Variants in RASGRP4 observed in about 807,000 individuals in gnomAD.
The protein encoded by RASGRP4 is RAS guanyl-releasing protein 4.
Under a neutral mutation model 84.4 loss-of-function variants are expected in RASGRP4, and 52 were observed. That is an observed-to-expected ratio of 0.62 (90% CI 0.49 to 0.78). RASGRP4 has a LOEUF of 0.78. Ranked by LOEUF, RASGRP4 falls within the 30% of genes least tolerant of loss-of-function variation. The probability of loss-of-function intolerance (pLI) is 0.00; values close to 1 mark genes in which losing one functional copy is unlikely to be tolerated. For synonymous variants in RASGRP4, 356 were observed against 359.1 expected (o/e 0.99, Z 0.10); for missense variants, 760 against 886.9 (o/e 0.86, Z 1.82).
intron 8 of RASGRP4, among the ~76,000 whole-genome samples, chr19:38,416,211 C>T (rs1971492925): frequency 6.6e-6 from 1 of 151,560 alleles, no homozygotes; most frequent in Admixed American, 6.6e-5. Flanking sequence ...CACCTGTAAT[C>T]CCAGCACTTT....
In RASGRP4 at chr19:38,422,021, A is replaced by G. The variant is rs757665341; in HGVS notation, c.156T>C (p.Ser52=). The G allele has an allele frequency of 6.2e-7, 1 of 1,613,396 alleles. No individual in the cohort carries two copies. ...VMASMNLGLL[S]EGGCSEDELL... ...GCTCATCTTCGCTGCAGCCGCCCTC[A>G]CTCAGCAGGCCCAGGTTCATGGAAG... Residue 52 remains serine, a synonymous_variant, in exon 2 of 17, where the codon AGT becomes AGC. Transcript: ENST00000615439.
At position 38,415,073 on chromosome 19, in the gene RASGRP4, G is replaced by T. The variant is rs780745488; in HGVS notation, c.1005C>A (p.Arg335=). The T allele has an allele frequency of 2.5e-6, 4 of 1,602,846 alleles. No homozygotes were observed. In the South Asian group the frequency reaches 4.5e-5, roughly 18 times the overall value. ...CGCAGCCAGCCCAGGTGCGGCGGTA[G>T]CGGGCGTAGTTGTTGTGGGAGGCAA... is the stretch of plus-strand genomic sequence containing the variant. The part of the protein sequence containing the change: ...ELLASHNNYA[R]YRRTWAGCAG... The change falls in exon 9 of 17, where the codon CGC becomes CGA. Residue 335 remains arginine (R), a synonymous_variant. Transcript: ENST00000615439.
rs56791891 is a variant in RASGRP4 at position 38,412,083 on chromosome 19, TTTGTTGTTGTTGTTGTTGTTG to T, written c.1680+568_1680+588del. 9.9e-3 allele frequency among the ~76,000 whole-genome samples: 1,278 copies of T among 128,786 alleles called. 21 individuals are homozygous for T. Among genetic ancestry groups the T allele is most frequent in the African/African-American group, 0.041 (1,191 of 28,928 alleles). The allele number at this position is 128,786 out of a possible 152,430, so 84.5% of individuals were successfully genotyped here. A position where few individuals can be genotyped will look rare whatever the true frequency, so the allele number is the denominator to read the frequency against. On this transcript the variant is annotated intron_variant, in intron 13 of 16. Coordinates refer to ENST00000615439, the MANE Select transcript of RASGRP4 (RefSeq NM_170604.3). The surrounding 1 kb of genome is among the most constrained non-coding windows in gnomAD (Gnocchi z 4.6). Reference sequence around the variant, plus strand: ...CTACCCGGTTTGGAGATTATCCAGGTTTGTTGTTGTTGTTGTTGTTGTTGTTGTTGTTGTTGTTGTTGTTGT... The same window carrying T: ...CTACCCGGTTTGGAGATTATCCAGGTTTGTTGTTGTTGTTGTTGTTGTTGT...
Position 38,412,636 on chromosome 19 carries a change from T to C in RASGRP4, c.1680+36A>G. On this transcript the variant is annotated intron_variant, in intron 13 of 16. Transcript: ENST00000615439. The surrounding 1 kb of genome is among the most constrained non-coding windows in gnomAD (Gnocchi z 4.6). ...TGCGGACTGCCGGCTTCAGGACAGA[T>C]GGAACCTAAGGGTGGTGATGGGGTG... 2 of 1,600,300 alleles carry C rather than the reference T, an allele frequency of 1.2e-6. No homozygotes were observed. The highest frequency in any genetic ancestry group is 1.7e-6 in the Non-Finnish European group (2 of 1,173,242).
chr19:38,424,249 AG>A (rs1027305320), intron 1 of RASGRP4, among the ~76,000 whole-genome samples: 1 of 151,894 alleles, frequency 6.6e-6, no homozygotes, highest in Non-Finnish European at 1.5e-5. Context: ...CCTCCCAAGT[AG>A]TTGGGACTAC....
intron 16 of RASGRP4, among the ~76,000 whole-genome samples, chr19:38,410,632 C>T (rs1358913057): frequency 6.6e-6 from 1 of 152,026 alleles, no homozygotes; most frequent in Non-Finnish European, 1.5e-5. Flanking sequence ...AGGCTGATCT[C>T]GAACTTCTGA....
chr19:38,418,400 G>A lies in RASGRP4; in HGVS notation c.828C>T (p.His276=). The part of the protein sequence containing the change: ...QRAQVLDKFI[H]VAQRLHQLQN... ...AAGGGGCGGGCCTCACCTGTGCCAC[G>A]TGAATGAACTTGTCCAGCACCTGTG... is the stretch of plus-strand genomic sequence containing the variant. The change falls in exon 7 of 17, where the codon CAC becomes CAT. Residue 276 remains histidine, a synonymous_variant. Coordinates refer to ENST00000615439, the MANE Select transcript of RASGRP4 (RefSeq NM_170604.3). This position sits in a 1 kb window ranked among gnomAD's most constrained non-coding sequence, Gnocchi z 4.6. The A allele has an allele frequency of 4.4e-6, 7 of 1,605,780 alleles. No homozygotes were observed. The highest frequency in any genetic ancestry group is 5.9e-6 in the Non-Finnish European group (7 of 1,176,670).
intron 1 of RASGRP4, among the ~76,000 whole-genome samples, chr19:38,424,612 T>C (rs1971907542): frequency 8.5e-6 from 1 of 118,250 alleles, no homozygotes; most frequent in Non-Finnish European, 1.8e-5. Context: ...TGGGTGTGTG[T>C]CAATGGGGGG....
At position 38,409,488 on chromosome 19, in the gene RASGRP4, C is replaced by T. The variant is rs1971129081; in HGVS notation, c.*552G>A. ...GGCGTGGTGGCTCACGCCTGTATTC[C>T]CAGCACTTTGGGAGGCTGAGGCTGG... On this transcript the variant is annotated 3_prime_UTR_variant, in exon 17 of 17. Transcript: ENST00000615439. The T allele has an allele frequency of 6.6e-6, 1 of 152,454 alleles. No individual in the cohort carries two copies. Among genetic ancestry groups the T allele is most frequent in the Admixed American group, 6.5e-5 (1 of 15,268 alleles). 9.4% of individuals were successfully genotyped at this position (152,454 alleles called of 1,614,324 possible).
chr19:38,425,974 G>T, intron 1 of RASGRP4, 95 bp downstream of exon 1: 1 of 1,114,682 alleles, frequency 9.0e-7, no homozygotes, highest in Non-Finnish European at 1.2e-6. Flanking sequence ...AAAGAAGTCA[G>T]GAATCCTGCC....
At position 38,412,401 on chromosome 19, in the gene RASGRP4, C is replaced by G. The variant is rs62118962; in HGVS notation, c.1680+271G>C. ...CCTCCCCAAGTGCTGGGATTACAGG[C>G]GTGAGCCACCACTCCTGGCCTCCTA... On this transcript the variant is annotated intron_variant, in intron 13 of 16. Transcript: ENST00000615439. This position sits in a 1 kb window ranked among gnomAD's most constrained non-coding sequence, Gnocchi z 4.6. 9.3e-6 allele frequency: 4 copies of G among 429,088 alleles called. No homozygotes were observed. In the East Asian group the frequency reaches 1.4e-4, roughly 15 times the overall value. The allele number at this position is 429,088 out of a possible 1,614,324, so 26.6% of individuals were successfully genotyped here.
At chr19:38,411,655 C>G (rs1079161) in intron 13 of RASGRP4, 9 of 420,898 alleles carry the variant, frequency 2.1e-5, no homozygotes, top group South Asian at 4.1e-5. Context: ...GATCGTACCA[C>G]GGCACTCCAG....
chr19:38,424,626 G>C (rs920332882), intron 1 of RASGRP4, among the ~76,000 whole-genome samples: 2 of 136,780 alleles, frequency 1.5e-5, no homozygotes, highest in Non-Finnish European at 3.2e-5. Flanking sequence ...TGGGGGGGGG[G>C]GTCTCACTAT....
rs1453421210 is a variant in RASGRP4, at chr19:38,417,478, G to A, written c.838-310C>T. On this transcript the variant is annotated intron_variant, in intron 7 of 16. Coordinates refer to ENST00000615439, the MANE Select transcript of RASGRP4 (RefSeq NM_170604.3). This position sits in a 1 kb window ranked among gnomAD's most constrained non-coding sequence, Gnocchi z 5.1. ...TGGGGAATAGACAGGTGTGTGTCAG[G>A]TGGAGGAGGCTTCAGACATGTCAGG... Among the ~76,000 whole-genome samples the A allele has an allele frequency of 6.6e-6, 1 of 152,188 alleles. No individual in the cohort carries two copies. Among genetic ancestry groups the A allele is most frequent in the Non-Finnish European group, 1.5e-5 (1 of 68,034 alleles).
chr19:38,422,133 G>A lies in RASGRP4; in HGVS notation c.44C>T (p.Thr15Ile), dbSNP rs1043968214. ...CCGGCCTCGCCCTCCTATTTTTCCG[G>A]TGCATTCCTGGTGGGACTTCCTGTG... ...DSKRKSHQEC[T>I]GKIGGRGRPR... is the part of the protein sequence containing the mutation. The change falls in exon 2 of 17, where the codon ACC (threonine) becomes ATC (isoleucine). Residue 15 changes from threonine to isoleucine, a missense_variant. By Grantham distance (89) the Thr-to-Ile change is moderately conservative. Transcript: ENST00000615439. 3.1e-6 allele frequency: 5 copies of A among 1,610,998 alleles called. No homozygotes were observed. Among genetic ancestry groups the A allele is most frequent in the Non-Finnish European group, 4.2e-6 (5 of 1,179,028 alleles).
rs1394486535 is a variant in RASGRP4, at chr19:38,417,276, T to C, written c.838-108A>G. ...GGGGTCCCAGGCATGTGTGGACCAA[T>C]GTGGGGATCAGACAGGTGAGAGAAG... On this transcript the variant is annotated intron_variant, in intron 7 of 16. Coordinates refer to ENST00000615439, the MANE Select transcript of RASGRP4 (RefSeq NM_170604.3). This position sits in a 1 kb window ranked among gnomAD's most constrained non-coding sequence, Gnocchi z 5.1. The C allele has an allele frequency of 1.4e-6, 1 of 721,554 alleles. No individual in the cohort carries two copies. Among genetic ancestry groups the C allele is most frequent in the Non-Finnish European group, 2.5e-6 (1 of 404,126 alleles). 44.7% of individuals were successfully genotyped at this position (721,554 alleles called of 1,614,324 possible). A position where few individuals can be genotyped will look rare whatever the true frequency, so the allele number is the denominator to read the frequency against.
chr19:38,409,183 T>G lies in RASGRP4; in HGVS notation c.*857A>C. ...TCCCTGGGACTGAATGGGCCCCTGCTGCTCGACCCTCAAAGTTCTTTGCCC... is the reference window on the plus strand; with the variant it reads ...TCCCTGGGACTGAATGGGCCCCTGCGGCTCGACCCTCAAAGTTCTTTGCCC... On this transcript the variant is annotated 3_prime_UTR_variant, in exon 17 of 17. Transcript: ENST00000615439. 3.8e-6 allele frequency: 1 copy of G among 265,130 alleles called. No homozygotes were observed. Among genetic ancestry groups the G allele is most frequent in the Non-Finnish European group, 7.1e-6 (1 of 140,210 alleles). 16.4% of individuals were successfully genotyped at this position (265,130 alleles called of 1,614,324 possible). A position where few individuals can be genotyped will look rare whatever the true frequency, so the allele number is the denominator to read the frequency against.
At position 38,413,190 on chromosome 19, in the gene RASGRP4, T is replaced by A. The variant is rs1423409754; in HGVS notation, c.1416+3A>T. The A allele has an allele frequency of 6.2e-7, 1 of 1,612,486 alleles. No homozygotes were observed. The highest frequency in any genetic ancestry group is 2.2e-5 in the East Asian group (1 of 44,858). On this transcript the variant is annotated splice_donor_region_variant and intron_variant, in intron 11 of 16. Coordinates refer to ENST00000615439, the MANE Select transcript of RASGRP4 (RefSeq NM_170604.3). The surrounding 1 kb of genome is among the most constrained non-coding windows in gnomAD (Gnocchi z 4.7). ...GGCGGCCGGGCCACCCTCCCCTCCTTACCTCCACCAGCTGCTCCACATGCC... is the reference window on the plus strand; with the variant it reads ...GGCGGCCGGGCCACCCTCCCCTCCTAACCTCCACCAGCTGCTCCACATGCC...
chr19:38,415,835 G>A (rs1156687095), intron 8 of RASGRP4, among the ~76,000 whole-genome samples: 1 of 151,144 alleles, frequency 6.6e-6, no homozygotes, highest in Non-Finnish European at 1.5e-5. Flanking sequence ...GAGGCAGGCG[G>A]ATCATCTGAG....
Sources: gnomAD v4.1 joint callset for allele counts (sites outside exome capture counted in the v4.1 genomes callset) on GRCh38, gnomAD v4.1.1 for gene constraint, Gnocchi (gnomAD v3.1) non-coding constraint, MANE v1.5 for transcripts, NCBI Gene and HGNC (gene_info 2026-07-23, HGNC 2026-07-21) for gene names.